SUSD4: variants seen among roughly 807,000 people sequenced by gnomAD.
SUSD4 encodes the protein sushi domain-containing protein 4.
Under a neutral mutation model 50.5 loss-of-function variants are expected in SUSD4, and 41 were observed. That is an observed-to-expected ratio of 0.81 (90% CI 0.63 to 1.05). The LOEUF (loss-of-function observed/expected upper bound fraction) is 1.05, where lower values mean the gene tolerates loss of function less well. Among genes scored for constraint, SUSD4 ranks in the 50% least tolerant of loss-of-function variants. The pLI is 0.00. For missense variants in SUSD4, 580 were observed against 634.7 expected, an observed-to-expected ratio of 0.91 and a Z score of 0.93; for synonymous variants, 257 against 257.3, an observed-to-expected ratio of 1.00 and a Z score of 0.01.
intron 2 of SUSD4, among the ~76,000 whole-genome samples, chr1:223,362,933 A>ACC (rs1486193519): frequency 3.5e-4 from 23 of 66,540 alleles, no homozygotes; most frequent in South Asian, 1.2e-3. Context: ...CACTGCCCCC[A>ACC]CCCCCCACCC....
intron 2 of SUSD4, among the ~76,000 whole-genome samples, chr1:223,314,493 T>C (rs2103223204): frequency 6.6e-6 from 1 of 152,174 alleles, no homozygotes; most frequent in East Asian, 1.9e-4. Flanking sequence ...ATTTCAAAAA[T>C]AGGAAGATGA....
At chr1:223,270,906 T>C (rs376389309) in intron 3 of SUSD4, among the ~76,000 whole-genome samples, 107 of 152,318 alleles carry the variant, frequency 7.0e-4, no homozygotes, top group African/African-American at 2.1e-3. Context: ...ACAGTTTTCC[T>C]GCTAGCATAG....
chr1:223,233,668 C>T (rs1007863073), intron 5 of SUSD4, among the ~76,000 whole-genome samples: 2 of 152,192 alleles, frequency 1.3e-5, no homozygotes, highest in Non-Finnish European at 2.9e-5. Flanking sequence ...CTAGAAATTC[C>T]GGTGAGTAAA....
At chr1:223,234,829 C>T in intron 5 of SUSD4, 1 of 1,346,108 alleles carries the variant, frequency 7.4e-7, no homozygotes, top group South Asian at 1.9e-5. Flanking sequence ...CTAACACCTT[C>T]AAAACAATGC....
chr1:223,269,608 CAT>C (rs1662767429), intron 3 of SUSD4, among the ~76,000 whole-genome samples: 1 of 152,294 alleles, frequency 6.6e-6, no homozygotes, highest in Non-Finnish European at 1.5e-5. Flanking sequence ...CTTATGAGCA[CAT>C]GTCTGTTTAA....
rs373290918 is a variant in SUSD4 at position 223,229,378 on chromosome 1, T to C, written c.735A>G (p.Leu245=). 2.2e-5 allele frequency: 35 copies of C among 1,594,646 alleles called. No individual in the cohort carries two copies. Among genetic ancestry groups the C allele is most frequent in the Middle Eastern group, 4.1e-4 (2 of 4,920 alleles). The change falls in exon 6 of 9, where the codon CTA becomes CTG. Residue 245 remains leucine, a synonymous_variant. Coordinates refer to ENST00000366878, the MANE Select transcript of SUSD4 (RefSeq NM_017982.4). The surrounding 1 kb of genome is among the most constrained non-coding windows in gnomAD (Gnocchi z 4.7). Reference sequence around the variant, plus strand: ...AATCTCCGTGACTCACCATTGGAGGTAGTGGACAGACTTGGGCAGTAGGGG... The same window carrying C: ...AATCTCCGTGACTCACCATTGGAGGCAGTGGACAGACTTGGGCAGTAGGGG... The part of the protein sequence containing the change: ...PRCLALEVCP[L]PPMVSHGDFV...
intron 2 of SUSD4, among the ~76,000 whole-genome samples, chr1:223,347,339 T>C (rs1042334816): frequency 6.6e-6 from 1 of 152,200 alleles, no homozygotes; most frequent in Non-Finnish European, 1.5e-5. Flanking sequence ...CCATTAACCA[T>C]CCGCACTTCC....
intron 2 of SUSD4, among the ~76,000 whole-genome samples, chr1:223,318,686 C>A (rs941549011): frequency 2.0e-4 from 30 of 151,108 alleles, no homozygotes; most frequent in African/African-American, 6.9e-4. Context: ...ATGTCCTTCG[C>A]CCACTTTTTG....
chr1:223,363,355 T>G lies in SUSD4; in HGVS notation c.71A>C (p.Gln24Pro). 1 of 1,606,528 alleles carries G rather than the reference T, an allele frequency of 6.2e-7. No homozygotes were observed. Among genetic ancestry groups the G allele is most frequent in the African/African-American group, 1.3e-5 (1 of 74,654 alleles). The change falls in exon 2 of 9, where the codon CAG becomes CCG. Residue 24 changes from glutamine to proline, a missense_variant. Gln to Pro is a moderately conservative substitution (Grantham distance 76). Coordinates refer to ENST00000366878, the MANE Select transcript of SUSD4 (RefSeq NM_017982.4). ...LEQQQQQQQP[Q>P]SPQRLLAVIL... is the part of the protein sequence containing the mutation. ...CACGGCCAAGAGTCTCTGGGGGGAC[T>G]GAGGTTGCTGCTGCTGCTGCTGCTG... is the stretch of plus-strand genomic sequence containing the variant.
At chr1:223,320,401 C>G (rs1253578016) in intron 2 of SUSD4, among the ~76,000 whole-genome samples, 2 of 151,996 alleles carry the variant, frequency 1.3e-5, no homozygotes. Context: ...TAGAACAAGA[C>G]CAGGACACTA....
chr1:223,234,361 A>G (rs1257341593), intron 5 of SUSD4, among the ~76,000 whole-genome samples: 1 of 152,176 alleles, frequency 6.6e-6, no homozygotes, highest in African/African-American at 2.4e-5. Context: ...CTCTTTGGGA[A>G]GCCTTCCCTG....
At chr1:223,264,874 A>G (rs1662380715) in intron 4 of SUSD4, 56 bp from the exon 5 acceptor site, 1 of 1,563,870 alleles carries the variant, frequency 6.4e-7, no homozygotes, top group African/African-American at 1.4e-5. Flanking sequence ...CTGTACATCG[A>G]AAAGTCACAC....
chr1:223,350,019 C>A (rs1270783536), intron 2 of SUSD4, among the ~76,000 whole-genome samples: 1 of 152,168 alleles, frequency 6.6e-6, no homozygotes, highest in Non-Finnish European at 1.5e-5. Context: ...CACCCCTGCA[C>A]CCACACCAAG....
At chr1:223,272,406 A>G (rs969536142) in intron 3 of SUSD4, among the ~76,000 whole-genome samples, 15 of 152,234 alleles carry the variant, frequency 9.9e-5, no homozygotes, top group African/African-American at 3.1e-4. Flanking sequence ...TAGTGAATAA[A>G]TAAAAGAAGG....
intron 3 of SUSD4, among the ~76,000 whole-genome samples, chr1:223,286,705 TGAG>T (rs1419145255): frequency 6.6e-6 from 1 of 152,186 alleles, no homozygotes; most frequent in Admixed American, 6.5e-5. Context: ...CTTTCATGGA[TGAG>T]AATTGCCTGC....
intron 2 of SUSD4, among the ~76,000 whole-genome samples, chr1:223,315,988 A>G (rs1666165784): frequency 6.6e-6 from 1 of 152,212 alleles, no homozygotes; most frequent in South Asian, 2.1e-4. Flanking sequence ...CTGATTCTAT[A>G]GTGTGACTCT....
intron 2 of SUSD4, among the ~76,000 whole-genome samples, chr1:223,357,955 C>T (rs1358932478): frequency 6.6e-6 from 1 of 152,166 alleles, no homozygotes; most frequent in African/African-American, 2.4e-5. Flanking sequence ...TTTAGACATA[C>T]TGTTACTATG....
rs1040630730 is a variant in SUSD4, at chr1:223,284,096, G to T, written c.361+8343C>A. Among the ~76,000 whole-genome samples the T allele has an allele frequency of 3.5e-5, 5 of 143,438 alleles. No individual in the cohort carries two copies. In the South Asian group the frequency reaches 7.2e-4, roughly 21 times the overall value. The allele number at this position is 143,438 out of a possible 152,430, so 94.1% of individuals were successfully genotyped here. ...GGGCCTGTTGTGGGATAGGGGGAGG[G>T]GGGAGGGAAAGCATTAGGAGATATA... On this transcript the variant is annotated intron_variant, in intron 3 of 8. Transcript: ENST00000366878.
intron 3 of SUSD4, among the ~76,000 whole-genome samples, chr1:223,283,129 T>C (rs552277537): frequency 2.0e-5 from 3 of 152,284 alleles, no homozygotes; most frequent in Admixed American, 2.0e-4. Flanking sequence ...ATAAAAACCG[T>C]AGAAGAAAAC....
Sources: allele counts gnomAD v4.1 joint callset (sites outside exome capture counted in the v4.1 genomes callset), GRCh38; gene constraint gnomAD v4.1.1; non-coding constraint Gnocchi (gnomAD v3.1); transcripts MANE v1.5; gene names NCBI Gene and HGNC (gene_info 2026-07-23, HGNC 2026-07-21).